The following COL6A6 variants were observed in gnomAD, a reference collection of about 807,000 sequenced individuals.
COL6A6 encodes the protein collagen alpha-6(VI) chain.
Under a neutral mutation model 208.6 loss-of-function variants are expected in COL6A6, and 183 were observed. That is an observed-to-expected ratio of 0.88 (90% CI 0.78 to 0.99). The LOEUF is 0.99. Among genes scored for constraint, COL6A6 ranks in the 50% least tolerant of loss-of-function variants. The probability of loss-of-function intolerance (pLI) is 0.00; values close to 1 mark genes in which losing one functional copy is unlikely to be tolerated. For synonymous variants in COL6A6, 973 were observed against 1,011.8 expected (o/e 0.96, Z 0.73); for missense variants, 2,816 against 2,815.2 (o/e 1.00, Z -0.01).
In COL6A6 at chr3:130,574,400, A is replaced by G. The variant is rs2063245408; in HGVS notation, c.3422A>G (p.Asp1141Gly). The change falls in exon 8 of 37, where the codon GAT (aspartate) becomes GGT (glycine). Residue 1141 changes from aspartate to glycine, a missense_variant. By Grantham distance (94) the Asp-to-Gly change is moderately conservative (BLOSUM62 -1). Coordinates refer to ENST00000358511, the MANE Select transcript of COL6A6 (RefSeq NM_001102608.3). ...DIYSVGIGDV[D>G]DQQLIQITGT... ...TACTCCGTGGGCATTGGGGATGTGG[A>G]TGACCAGCAGCTCATTCAGATCACC... 2.5e-6 allele frequency: 4 copies of G among 1,614,052 alleles called. No individual in the cohort carries two copies. The highest frequency in any genetic ancestry group is 4.5e-5 in the East Asian group (2 of 44,888).
intron 1 of COL6A6, among the ~76,000 whole-genome samples, chr3:130,546,158 G>A (rs559507140): frequency 3.2e-4 from 49 of 152,236 alleles, no homozygotes; most frequent in African/African-American, 9.1e-4. Context: ...GGACCCTCGC[G>A]GTGAGTGTTA....
chr3:130,662,827 T>A (rs1436427551), intron 35 of COL6A6, among the ~76,000 whole-genome samples: 7 of 152,212 alleles, frequency 4.6e-5, no homozygotes, highest in Non-Finnish European at 8.8e-5. Context: ...CTTGCAAAAC[T>A]TTCTTAGCCT....
At chr3:130,563,881 G>T (rs2062954834) in intron 3 of COL6A6, among the ~76,000 whole-genome samples, 1 of 152,122 alleles carries the variant, frequency 6.6e-6, no homozygotes, top group Non-Finnish European at 1.5e-5. Flanking sequence ...TATCTGTGTT[G>T]CCTGACATTC....
At chr3:130,524,415 C>A (rs55800296) in intron 1 of COL6A6, among the ~76,000 whole-genome samples, 13,668 of 152,122 alleles carry the variant, frequency 0.09, 655 homozygotes, top group South Asian at 0.13. Context: ...GTATAAATTC[C>A]TTTTTTTCCT....
chr3:130,648,585 T>C (rs1018317238), intron 32 of COL6A6, among the ~76,000 whole-genome samples: 3 of 152,256 alleles, frequency 2.0e-5, no homozygotes, highest in African/African-American at 7.2e-5. Context: ...TTGCGTCTCA[T>C]TCTTTGCTCT....
chr3:130,542,776 G>A (rs1256926111), intron 1 of COL6A6, among the ~76,000 whole-genome samples: 1 of 151,944 alleles, frequency 6.6e-6, no homozygotes, highest in African/African-American at 2.4e-5. Context: ...ATTAGGTAGT[G>A]TCATTTCTTA....
Position 130,586,620 on chromosome 3 carries a change from T to C in COL6A6, c.4085T>C (p.Ile1362Thr), listed in dbSNP as rs2063548523. Residue 1362 changes from isoleucine (I) to threonine (T), a missense_variant, in exon 11 of 37, where the codon ATT becomes ACT. Ile to Thr is a moderately conservative substitution (Grantham distance 89). Coordinates refer to ENST00000358511, the MANE Select transcript of COL6A6 (RefSeq NM_001102608.3). ...KGFEYRTQLS[I>T]GMRELGSRLS... ...TTTGAGTACAGGACACAGCTCTCTA[T>C]TGGCATGAGAGAACTTGGAAGCCGG... The C allele has an allele frequency of 2.5e-6, 4 of 1,613,536 alleles. No individual in the cohort carries two copies. Among genetic ancestry groups the C allele is most frequent in the African/African-American group, 1.3e-5 (1 of 74,942 alleles).
rs761569826 is a variant in COL6A6 at position 130,649,289 on chromosome 3, G to GC, written c.5460_5461insC (p.Lys1821GlnfsTer9). ...TTGTGCGCTTCTCAGACGCCTACAA[G>GC]AAGAGTCAACTTCTCAGAGAAATTG... On this transcript the variant is annotated frameshift_variant, in exon 33 of 37. Coordinates refer to ENST00000358511, the MANE Select transcript of COL6A6 (RefSeq NM_001102608.3). LOFTEE classifies it high-confidence loss of function. The GC allele has an allele frequency of 6.2e-7, 1 of 1,605,398 alleles. No homozygotes were observed.
chr3:130,670,112 G>A (rs1241948008), intron 36 of COL6A6, among the ~76,000 whole-genome samples: 1 of 152,184 alleles, frequency 6.6e-6, no homozygotes, highest in Non-Finnish European at 1.5e-5. Flanking sequence ...AGCTGTCCAG[G>A]GAAACTGTCC....
intron 19 of COL6A6, 135 bp from the exon 20 acceptor site, chr3:130,599,622 A>G: frequency 1.2e-6 from 1 of 812,872 alleles, no homozygotes; most frequent in South Asian, 1.6e-5. Flanking sequence ...AGTTCATGCC[A>G]TTTTCCAAAG....
intron 27 of COL6A6, 52 bp from the exon 28 acceptor site, chr3:130,635,647 A>G (rs964542674): frequency 2.5e-6 from 3 of 1,186,528 alleles, no homozygotes; most frequent in South Asian, 2.7e-5. Flanking sequence ...AATATGTTAC[A>G]TATGTATATG....
At chr3:130,656,602 C>T (rs899272227) in intron 33 of COL6A6, among the ~76,000 whole-genome samples, 2 of 152,236 alleles carry the variant, frequency 1.3e-5, no homozygotes, top group African/African-American at 4.8e-5. Context: ...AGCCCAGCCC[C>T]CAGGCTTCGG....
rs2065956777 is a variant in COL6A6 at position 130,662,267 on chromosome 3, A to G, written c.6461A>G (p.Tyr2154Cys). ...CGAATTCATAAACCTGACCACAGTT[A>G]TGGTGTGAAGTTTGTGAAGTCCTTT... The part of the protein sequence containing the change: ...LGRIHKPDHS[Y>C]GVKFVKSFIN... Residue 2154 changes from tyrosine to cysteine, a missense_variant, in exon 35 of 37, where the codon TAT (tyrosine) becomes TGT (cysteine). Physicochemically the swap from Tyr to Cys is radical, Grantham distance 194. Coordinates refer to ENST00000358511, the MANE Select transcript of COL6A6 (RefSeq NM_001102608.3). 3.7e-6 allele frequency: 6 copies of G among 1,613,830 alleles called. No homozygotes were observed. Among genetic ancestry groups the G allele is most frequent in the Non-Finnish European group, 5.1e-6 (6 of 1,179,866 alleles).
intron 19 of COL6A6, among the ~76,000 whole-genome samples, 152 bp from the exon 20 acceptor site, chr3:130,599,605 T>G (rs1043817712): frequency 6.6e-6 from 1 of 152,206 alleles, no homozygotes; most frequent in East Asian, 1.9e-4. Flanking sequence ...TGACTTATGA[T>G]CAGTAGAGTT....
chr3:130,573,748 T>C (rs1019427029), intron 7 of COL6A6, among the ~76,000 whole-genome samples: 2 of 151,852 alleles, frequency 1.3e-5, no homozygotes, highest in Admixed American at 6.6e-5. Context: ...TTTAATTTTT[T>C]TTAGTTGATC....
chr3:130,649,612 A>G (rs1481564607), intron 33 of COL6A6, 50 bp downstream of exon 33: 1 of 1,487,706 alleles, frequency 6.7e-7, no homozygotes, highest in Non-Finnish European at 8.9e-7. Flanking sequence ...TCTTGCCTGT[A>G]TTCAGAAGCC....
chr3:130,599,483 A>G (rs2063945254), intron 19 of COL6A6, among the ~76,000 whole-genome samples: 1 of 152,246 alleles, frequency 6.6e-6, no homozygotes, highest in African/African-American at 2.4e-5. Flanking sequence ...AGTTTGAATT[A>G]TCTGAGACAT....
rs2063746601 is a variant in COL6A6, at chr3:130,592,621, T to C, written c.4344+9T>C. ...GCACCAAAGGTCCTAAGGTAAGGAT[T>C]GCATAAGAGTGTGGAGTTTTCTCAA... On this transcript the variant is annotated intron_variant, in intron 14 of 36. Transcript: ENST00000358511. 6.2e-7 allele frequency: 1 copy of C among 1,613,204 alleles called. No homozygotes were observed. Among genetic ancestry groups the C allele is most frequent in the African/African-American group, 1.3e-5 (1 of 74,906 alleles).
intron 12 of COL6A6, 35 bp downstream of exon 12, chr3:130,589,217 T>A: frequency 6.9e-7 from 1 of 1,457,538 alleles, no homozygotes. Flanking sequence ...TTACTTTGAG[T>A]TGTAGTATGT....
Sources: gnomAD v4.1 joint callset for allele counts (sites outside exome capture counted in the v4.1 genomes callset) on GRCh38, gnomAD v4.1.1 for gene constraint, MANE v1.5 for transcripts, NCBI Gene and HGNC (gene_info 2026-07-23, HGNC 2026-07-21) for gene names.